Variants in INSL6 observed in about 807,000 individuals in gnomAD.
The protein encoded by INSL6 is insulin-like peptide INSL6.
Under a neutral mutation model 9.4 loss-of-function variants are expected in INSL6, and 16 were observed. The observed-to-expected ratio is 1.70, with a 90% confidence interval of 1.15 to 2.59. The LOEUF is 2.59. Among genes scored for constraint, INSL6 ranks in the 30% most tolerant of loss-of-function variants. The pLI, the probability that INSL6 is intolerant of heterozygous loss-of-function variation, is 0.00. For missense variants in INSL6, 391 were observed against 257.3 expected (o/e 1.52, Z -3.56); for synonymous variants, 154 against 96.9 (o/e 1.59, Z -3.46).
At chr9:5,058,108 T>C in the INSL6 span, among the ~76,000 whole-genome samples, 10 of 152,212 alleles carry the variant, frequency 6.6e-5, no homozygotes, top group Admixed American at 3.9e-4. Context: ...TTCAGGTCAC[T>C]TTTTTACTTT....
chr9:5,035,716 T>C, the INSL6 span, among the ~76,000 whole-genome samples: 647 of 152,280 alleles, frequency 4.2e-3, no homozygotes, highest in Middle Eastern at 0.02. Context: ...AATTAGGTAT[T>C]GATGGGACGT....
At chr9:5,169,990 T>G (rs183983436) in intron 1 of INSL6, among the ~76,000 whole-genome samples, 5 of 152,206 alleles carry the variant, frequency 3.3e-5, no homozygotes, top group African/African-American at 4.8e-5. Flanking sequence ...TATTTAGGAC[T>G]TGAATTCAAC....
the INSL6 span, among the ~76,000 whole-genome samples, chr9:5,087,003 T>C: frequency 6.6e-6 from 1 of 152,206 alleles, no homozygotes; most frequent in Non-Finnish European, 1.5e-5. Context: ...TTAGCATTTT[T>C]AAATTGTGCT....
intron 1 of INSL6, among the ~76,000 whole-genome samples, chr9:5,184,217 T>G (rs1825518045): frequency 6.6e-6 from 1 of 152,212 alleles, no homozygotes; most frequent in South Asian, 2.1e-4. Context: ...TCCTCTACAT[T>G]AGGGTCTCTT....
the INSL6 span, among the ~76,000 whole-genome samples, chr9:5,016,629 A>G: frequency 6.6e-6 from 1 of 152,246 alleles, no homozygotes; most frequent in South Asian, 2.1e-4. Context: ...ACAAATTTTC[A>G]TAAAGTGAAC....
At chr9:5,068,236 A>G in the INSL6 span, among the ~76,000 whole-genome samples, 1 of 152,102 alleles carries the variant, frequency 6.6e-6, no homozygotes, top group East Asian at 1.9e-4. Context: ...ACCTTGAGGT[A>G]TTGGTAGATT....
chr9:5,057,875 C>G, the INSL6 span, among the ~76,000 whole-genome samples: 1 of 152,102 alleles, frequency 6.6e-6, no homozygotes, highest in African/African-American at 2.4e-5. Flanking sequence ...GCCACTGTGC[C>G]CAGCCCCTCT....
the INSL6 span, among the ~76,000 whole-genome samples, chr9:5,072,275 A>G: frequency 6.6e-6 from 1 of 152,182 alleles, no homozygotes; most frequent in Non-Finnish European, 1.5e-5. Flanking sequence ...TAGAGCCAAA[A>G]TACACTTAAT....
chr9:5,131,415 T>C (rs1480572649), intron 3 of INSL6, among the ~76,000 whole-genome samples: 2 of 150,684 alleles, frequency 1.3e-5, no homozygotes, highest in Non-Finnish European at 3.0e-5. Context: ...AGCTGAATTC[T>C]TTAACACCAC....
At chr9:5,085,761 T>C in the INSL6 span, 2 of 754,596 alleles carry the variant, frequency 2.7e-6, no homozygotes, top group Non-Finnish European at 2.5e-6. Flanking sequence ...AGCTTGCACA[T>C]GTCGGGAGTT....
At chr9:5,115,835 C>G in the INSL6 span, among the ~76,000 whole-genome samples, 1 of 152,110 alleles carries the variant, frequency 6.6e-6, no homozygotes, top group Non-Finnish European at 1.5e-5. Context: ...CTTGTTCTCG[C>G]TGATAAGTGG....
chr9:4,997,370 C>T, the INSL6 span, among the ~76,000 whole-genome samples: 6 of 152,114 alleles, frequency 3.9e-5, no homozygotes, highest in African/African-American at 7.2e-5. Flanking sequence ...GGGAGTCCTC[C>T]GGGAGCTTTT....
chr9:5,126,018 G>C (rs1823968618), intron 3 of INSL6: 1 of 182,330 alleles, frequency 5.5e-6, no homozygotes, highest in South Asian at 1.9e-4. Context: ...TATTTCAATT[G>C]AAATGTAATA....
downstream of INSL6, among the ~76,000 whole-genome samples, chr9:5,163,630 AAG>A (rs1220704076): frequency 7.1e-6 from 1 of 141,250 alleles, no homozygotes; most frequent in South Asian, 2.3e-4. Context: ...AACACAGCTT[AAG>A]AGAGTTTCAA....
At chr9:5,101,328 G>C in the INSL6 span, among the ~76,000 whole-genome samples, 1 of 152,262 alleles carries the variant, frequency 6.6e-6, no homozygotes, top group Non-Finnish European at 1.5e-5. Flanking sequence ...CTGGCAGGCG[G>C]AGGGGCGTCC....
the INSL6 span, among the ~76,000 whole-genome samples, chr9:5,076,805 G>C: frequency 1.3e-5 from 2 of 151,986 alleles, no homozygotes; most frequent in Non-Finnish European, 2.9e-5. Flanking sequence ...TTTGAAAATT[G>C]ATAATCTTCT....
At chr9:5,109,870 A>G in the INSL6 span, 1 of 152,144 alleles carries the variant, frequency 6.6e-6, no homozygotes, top group Non-Finnish European at 1.5e-5. Context: ...TCCACCAACA[A>G]ACTCTTTCAA....
the INSL6 span, among the ~76,000 whole-genome samples, chr9:5,013,349 A>G: frequency 6.6e-6 from 1 of 152,278 alleles, no homozygotes; most frequent in Non-Finnish European, 1.5e-5. Flanking sequence ...TACTTGGACT[A>G]TAAAATTTTG....
At chr9:5,000,581 C>G in the INSL6 span, among the ~76,000 whole-genome samples, 2 of 152,124 alleles carry the variant, frequency 1.3e-5, no homozygotes, top group African/African-American at 4.8e-5. Flanking sequence ...TTTGTTATGC[C>G]AACTTTTAGG....
Sources: allele counts gnomAD v4.1 joint callset (sites outside exome capture counted in the v4.1 genomes callset), GRCh38; gene constraint gnomAD v4.1.1; transcripts MANE v1.5; gene names NCBI Gene and HGNC (gene_info 2026-07-23, HGNC 2026-07-21).